Variants in ARID1B observed in about 807,000 individuals in gnomAD.
ARID1B encodes AT-rich interactive domain-containing protein 1B.
ARID1B carries 30 observed loss-of-function variants against 212.3 expected under a neutral mutation model. That is an observed-to-expected ratio of 0.14 (90% CI 0.11 to 0.19). The LOEUF (loss-of-function observed/expected upper bound fraction) is 0.19. Among genes scored for constraint, ARID1B ranks in the 10% least tolerant of loss-of-function variants. The pLI, the probability that ARID1B is intolerant of heterozygous loss-of-function variation, is 1.00. For synonymous variants in ARID1B, 1,402 were observed against 1,301.7 expected (o/e 1.08, Z -1.66); for missense variants, 2,891 against 3,204.0 (o/e 0.90, Z 2.36).
At chr6:157,140,840 C>T in intron 7 of ARID1B, 1 of 394,744 alleles carries the variant, frequency 2.5e-6, no homozygotes, top group Non-Finnish European at 4.5e-6. Flanking sequence ...CACATGGCTC[C>T]CTTCCCCTCA....
rs1049951328 is a variant in ARID1B, at chr6:156,941,909, A to G, written c.2247+6333A>G. 4 of 152,346 alleles carry G rather than the reference A, an allele frequency of 2.6e-5. No individual in the cohort carries two copies. The South Asian group carries it at 6.2e-4, about 24-fold the overall frequency. 9.4% of individuals were successfully genotyped at this position (152,346 alleles called of 1,614,324 possible). ...GTGTGCAAAGTGTTTCTAAGTTGAC[A>G]TACTCAGTTCCCGTTAAAATAAAAT... On this transcript the variant is annotated intron_variant, in intron 4 of 19. Coordinates refer to ENST00000636930, the MANE Select transcript of ARID1B (RefSeq NM_001374828.1).
At chr6:156,944,121 T>C (rs1171923564) in intron 4 of ARID1B, among the ~76,000 whole-genome samples, 1 of 152,198 alleles carries the variant, frequency 6.6e-6, no homozygotes, top group Non-Finnish European at 1.5e-5. Context: ...AAATTTTACA[T>C]TAAAAGCCAT....
Position 157,084,642 on chromosome 6 carries a change from T to C in ARID1B, c.2248-20T>C. The C allele has an allele frequency of 6.2e-7, 1 of 1,612,554 alleles. No homozygotes were observed. Among genetic ancestry groups the C allele is most frequent in the East Asian group, 2.2e-5 (1 of 44,858 alleles). ...TCATCCAAACGTGTCACTCTATAAA[T>C]ACATCTTTTCCTTTCTTAGGATCTG... On this transcript the variant is annotated intron_variant, in intron 4 of 19. Coordinates refer to ENST00000636930, the MANE Select transcript of ARID1B (RefSeq NM_001374828.1).
chr6:157,052,842 C>G (rs1218877512), intron 4 of ARID1B, among the ~76,000 whole-genome samples: 1 of 151,972 alleles, frequency 6.6e-6, no homozygotes, highest in African/African-American at 2.4e-5. Context: ...GCCTCGGCCT[C>G]CCGAGTAGCT....
chr6:157,062,121 A>G (rs1383327371), intron 4 of ARID1B, among the ~76,000 whole-genome samples: 1 of 152,200 alleles, frequency 6.6e-6, no homozygotes, highest in African/African-American at 2.4e-5. Context: ...TACTTTCCCA[A>G]GTACATAGCT....
At chr6:157,116,407 T>C (rs1219257708) in intron 6 of ARID1B, among the ~76,000 whole-genome samples, 1 of 151,004 alleles carries the variant, frequency 6.6e-6, no homozygotes, top group Non-Finnish European at 1.5e-5. Flanking sequence ...TTCATGTTAA[T>C]GCCGGTGATT....
chr6:156,983,122 G>T (rs992491714), intron 4 of ARID1B, among the ~76,000 whole-genome samples: 5 of 151,714 alleles, frequency 3.3e-5, no homozygotes, highest in Non-Finnish European at 7.4e-5. Context: ...AAAAAGAAAG[G>T]CCTGGCACAG....
At chr6:156,967,075 G>T (rs1794820197) in intron 4 of ARID1B, among the ~76,000 whole-genome samples, 2 of 151,964 alleles carry the variant, frequency 1.3e-5, no homozygotes, top group Non-Finnish European at 2.9e-5. Context: ...TCTCAATCTG[G>T]TCTTTGTTAA....
At chr6:157,167,268 G>C (rs752795679) in intron 9 of ARID1B, 83 bp downstream of exon 9, 1 of 1,474,778 alleles carries the variant, frequency 6.8e-7, no homozygotes, top group Non-Finnish European at 9.0e-7. Context: ...CTGCCTAAAC[G>C]GCCCGAGAAG....
chr6:157,023,511 A>G (rs954740498), intron 4 of ARID1B: 1 of 152,262 alleles, frequency 6.6e-6, no homozygotes, highest in South Asian at 2.1e-4. Context: ...GAAACAGTGT[A>G]ATAAGGGTTG....
chr6:157,081,094 T>C (rs1015188563), intron 4 of ARID1B, among the ~76,000 whole-genome samples: 1 of 152,306 alleles, frequency 6.6e-6, no homozygotes, highest in African/African-American at 2.4e-5. Context: ...AGGACTGATT[T>C]ATGGAATGCC....
intron 1 of ARID1B, among the ~76,000 whole-genome samples, chr6:156,817,093 GAAAA>G (rs1330676177): frequency 7.0e-6 from 1 of 143,006 alleles, no homozygotes; most frequent in Non-Finnish European, 1.5e-5. Flanking sequence ...AAAAAAAAAA[GAAAA>G]AAAAAGGCCG....
chr6:156,893,286 G>A (rs774423102), intron 2 of ARID1B, among the ~76,000 whole-genome samples: 17 of 152,068 alleles, frequency 1.1e-4, no homozygotes, highest in Non-Finnish European at 2.2e-4. Flanking sequence ...TCGGCCGTCC[G>A]AAGTGCTGGG....
rs182259872 is a variant in ARID1B at position 156,819,534 on chromosome 6, G to A, written c.1792-9693G>A. Among the ~76,000 whole-genome samples, 578 of 152,306 alleles carry A rather than the reference G, an allele frequency of 3.8e-3. 3 individuals carry two copies. The highest frequency in any genetic ancestry group is 5.1e-3 in the Non-Finnish European group (346 of 68,030). On this transcript the variant is annotated intron_variant, in intron 1 of 19. Coordinates refer to ENST00000636930, the MANE Select transcript of ARID1B (RefSeq NM_001374828.1). ...TGACTTACAAGCTGCTGAGCTTTGG[G>A]GGATGAAGCTAATAATAGGTTTTGC...
At chr6:157,160,919 A>G (rs139417185) in intron 8 of ARID1B, among the ~76,000 whole-genome samples, 274 of 152,310 alleles carry the variant, frequency 1.8e-3, no homozygotes, top group African/African-American at 5.9e-3. Flanking sequence ...GAGCTCACAT[A>G]ACACACAGAC....
intron 8 of ARID1B, among the ~76,000 whole-genome samples, chr6:157,165,764 G>A (rs896025291): frequency 2.6e-5 from 4 of 152,226 alleles, no homozygotes; most frequent in South Asian, 2.1e-4. Context: ...CGGGAGAGTC[G>A]CTTGAGCCTG....
chr6:157,108,251 A>T lies in ARID1B; in HGVS notation c.2492-2221A>T, dbSNP rs146740611. ...TCTTAGAATTGTGCCACACAACCAG[A>T]AGTGCTGCTTGGCTGTGGCGGTATT... On this transcript the variant is annotated intron_variant, in intron 5 of 19. Coordinates refer to ENST00000636930, the MANE Select transcript of ARID1B (RefSeq NM_001374828.1). Among the ~76,000 whole-genome samples, 793 of 152,342 alleles carry T rather than the reference A, an allele frequency of 5.2e-3. 8 individuals are homozygous for T. Among genetic ancestry groups the T allele is most frequent in the African/African-American group, 0.018 (743 of 41,572 alleles).
intron 2 of ARID1B, among the ~76,000 whole-genome samples, chr6:156,897,249 C>CTTATTA (rs1165510857): frequency 1.3e-3 from 131 of 100,742 alleles, no homozygotes; most frequent in African/African-American, 4.1e-3. Context: ...TCTTCTTCTT[C>CTTATTA]TTCTTCTTCT....
chr6:157,037,885 T>C (rs1336714979), intron 4 of ARID1B, among the ~76,000 whole-genome samples: 1 of 151,948 alleles, frequency 6.6e-6, no homozygotes. Flanking sequence ...GTATGCAGAG[T>C]AGGAAAAGAG....
Sources: allele counts gnomAD v4.1 joint callset (sites outside exome capture counted in the v4.1 genomes callset), GRCh38; gene constraint gnomAD v4.1.1; transcripts MANE v1.5; gene names NCBI Gene and HGNC (gene_info 2026-07-23, HGNC 2026-07-21).